The following ZNF385B variants were observed in gnomAD, a reference collection of about 807,000 sequenced individuals.
The protein encoded by ZNF385B is zinc finger protein 533.
ZNF385B carries 23 observed loss-of-function variants against 39.2 expected under a neutral mutation model. That is an observed-to-expected ratio of 0.59 (90% CI 0.42 to 0.83). The LOEUF (loss-of-function observed/expected upper bound fraction) is 0.83, where lower values mean the gene tolerates loss of function less well. Ranked by LOEUF, ZNF385B falls within the 40% of genes least tolerant of loss-of-function variation. The pLI is 0.00. For synonymous variants in ZNF385B, 205 were observed against 222.6 expected (o/e 0.92, Z 0.70); for missense variants, 552 against 598.9 (o/e 0.92, Z 0.82).
At chr2:179,509,205 T>A (rs1477180087) in intron 5 of ZNF385B, among the ~76,000 whole-genome samples, 1 of 152,158 alleles carries the variant, frequency 6.6e-6, no homozygotes, top group Non-Finnish European at 1.5e-5. Flanking sequence ...ATCACTTTTT[T>A]AAACTTCACA....
rs1432292841 is a variant in ZNF385B, at chr2:179,467,067, C to G, written c.715+16205G>C. Among the ~76,000 whole-genome samples, 3 of 151,654 alleles carry G rather than the reference C, an allele frequency of 2.0e-5. No homozygotes were observed. In the South Asian group the frequency reaches 6.3e-4, roughly 32 times the overall value. On this transcript the variant is annotated intron_variant, in intron 6 of 9. Transcript: ENST00000410066. ...CTCTTTAGGTAATAGATGTGCATTA[C>G]TGAGGGTGTCATTATAAAGACTTCG...
chr2:179,446,839 A>G, intron 6 of ZNF385B, 69 bp from the exon 7 acceptor site: 8 of 1,500,494 alleles, frequency 5.3e-6, no homozygotes, highest in East Asian at 2.3e-5. Context: ...ATCACCATAG[A>G]TGAATTAAAA....
intron 3 of ZNF385B, among the ~76,000 whole-genome samples, chr2:179,602,930 A>T (rs1216355896): frequency 6.6e-6 from 1 of 152,204 alleles, no homozygotes; most frequent in Non-Finnish European, 1.5e-5. Context: ...TAGTATTTTA[A>T]AAGCTTTTTC....
chr2:179,499,878 T>C (rs915413440), intron 5 of ZNF385B, among the ~76,000 whole-genome samples: 4 of 152,036 alleles, frequency 2.6e-5, no homozygotes, highest in African/African-American at 9.7e-5. Flanking sequence ...TATTATCTTA[T>C]ATTTGTAAAT....
At chr2:179,785,443 T>C (rs1005262443) in intron 1 of ZNF385B, among the ~76,000 whole-genome samples, 10 of 152,158 alleles carry the variant, frequency 6.6e-5, no homozygotes, top group African/African-American at 1.7e-4. Context: ...CCATCAATAG[T>C]GAGTCCTCTG....
At chr2:179,667,136 C>G (rs1695270933) in intron 3 of ZNF385B, among the ~76,000 whole-genome samples, 1 of 152,088 alleles carries the variant, frequency 6.6e-6, no homozygotes, top group South Asian at 2.1e-4. Flanking sequence ...TTCCCCCCAC[C>G]AAAAGGGAAA....
At chr2:179,606,185 G>C (rs1269872262) in intron 3 of ZNF385B, among the ~76,000 whole-genome samples, 4 of 152,124 alleles carry the variant, frequency 2.6e-5, no homozygotes, top group Admixed American at 2.6e-4. Context: ...TCAACTAGCA[G>C]AAAACATGGT....
intron 3 of ZNF385B, among the ~76,000 whole-genome samples, chr2:179,751,779 C>T (rs1702691054): frequency 6.6e-6 from 1 of 152,056 alleles, no homozygotes; most frequent in Non-Finnish European, 1.5e-5. Context: ...ATCCTGCTGT[C>T]CATTCCCACA....
chr2:179,545,292 T>A (rs959853721), intron 3 of ZNF385B, among the ~76,000 whole-genome samples: 5 of 152,194 alleles, frequency 3.3e-5, no homozygotes, highest in African/African-American at 9.7e-5. Flanking sequence ...TGCCTCTGAC[T>A]CGCCAAAAGT....
intron 4 of ZNF385B, among the ~76,000 whole-genome samples, chr2:179,522,353 G>A (rs1162223412): frequency 1.3e-5 from 2 of 152,100 alleles, no homozygotes; most frequent in Admixed American, 6.5e-5. Context: ...TCCTTTGCTA[G>A]TGCATTACTA....
intron 1 of ZNF385B, among the ~76,000 whole-genome samples, chr2:179,778,123 G>C (rs1029944505): frequency 1.3e-5 from 2 of 152,146 alleles, no homozygotes; most frequent in Non-Finnish European, 2.9e-5. Flanking sequence ...ACCAAAATGT[G>C]TATACGGTAT....
chr2:179,836,667 C>T (rs1402621256), intron 1 of ZNF385B, among the ~76,000 whole-genome samples: 3 of 151,048 alleles, frequency 2.0e-5, no homozygotes, highest in Non-Finnish European at 3.0e-5. Flanking sequence ...TACAGGCGCC[C>T]GCCACCGTGC....
chr2:179,703,260 TA>T (rs1699344146), intron 3 of ZNF385B, among the ~76,000 whole-genome samples: 1 of 152,162 alleles, frequency 6.6e-6, no homozygotes, highest in Non-Finnish European at 1.5e-5. Flanking sequence ...CTCAAGACCT[TA>T]GCACCTAAAC....
chr2:179,465,020 TTC>T, intron 6 of ZNF385B, among the ~76,000 whole-genome samples: 1 of 152,304 alleles, frequency 6.6e-6, no homozygotes, highest in East Asian at 1.9e-4. Context: ...AAATATGCCT[TTC>T]TGCTTCCTGT....
At chr2:179,545,721 CTA>C (rs2060191151) in intron 3 of ZNF385B, among the ~76,000 whole-genome samples, 1 of 152,092 alleles carries the variant, frequency 6.6e-6, no homozygotes, top group Admixed American at 6.6e-5. Context: ...ACTGTCACCT[CTA>C]TTTGTTTTGT....
At chr2:179,703,265 C>A (rs1364769780) in intron 3 of ZNF385B, among the ~76,000 whole-genome samples, 3 of 152,160 alleles carry the variant, frequency 2.0e-5, no homozygotes, top group Non-Finnish European at 4.4e-5. Flanking sequence ...GACCTTAGCA[C>A]CTAAACTCTT....
At chr2:179,490,333 A>C (rs780905763) in intron 5 of ZNF385B, among the ~76,000 whole-genome samples, 23 of 152,104 alleles carry the variant, frequency 1.5e-4, no homozygotes, top group Non-Finnish European at 2.9e-4. Flanking sequence ...ACACACACAC[A>C]CACACATATA....
At chr2:179,748,835 T>C (rs139611515) in intron 3 of ZNF385B, among the ~76,000 whole-genome samples, 4 of 152,208 alleles carry the variant, frequency 2.6e-5, no homozygotes, top group East Asian at 1.9e-4. Context: ...TTTGGGTCAA[T>C]AGAACATCCG....
intron 1 of ZNF385B, among the ~76,000 whole-genome samples, chr2:179,775,856 G>T (rs944735869): frequency 6.6e-6 from 1 of 152,200 alleles, no homozygotes; most frequent in African/African-American, 2.4e-5. Context: ...TCTTCACTGT[G>T]ACACAGCTGC....
Sources: allele counts gnomAD v4.1 joint callset (sites outside exome capture counted in the v4.1 genomes callset), GRCh38; gene constraint gnomAD v4.1.1; transcripts MANE v1.5; gene names NCBI Gene and HGNC (gene_info 2026-07-23, HGNC 2026-07-21).